SAMD8: variants seen among roughly 807,000 people sequenced by gnomAD.
SAMD8 encodes sterile alpha motif domain containing 8, also known as sphingomyelin synthase-related protein 1.
SAMD8 carries 20 observed loss-of-function variants against 42.0 expected under a neutral mutation model. The ratio of observed to expected loss-of-function variants is 0.48; its 90% CI spans 0.34 to 0.69. The LOEUF is 0.69. Among genes scored for constraint, SAMD8 ranks in the 30% least tolerant of loss-of-function variants. SAMD8 has a pLI of 0.01. For missense variants in SAMD8, 328 were observed against 511.6 expected (o/e 0.64, Z 3.46); for synonymous variants, 162 against 173.0 (o/e 0.94, Z 0.50).
chr10:75,155,633 A>C (rs1268578245), intron 2 of SAMD8, among the ~76,000 whole-genome samples: 1 of 152,208 alleles, frequency 6.6e-6, no homozygotes, highest in African/African-American at 2.4e-5. Context: ...TCAGGAGAGA[A>C]TGTGAGATGT....
chr10:75,133,121 C>CT (rs1849310221), intron 1 of SAMD8, among the ~76,000 whole-genome samples: 1 of 152,082 alleles, frequency 6.6e-6, no homozygotes, highest in Admixed American at 6.6e-5. Flanking sequence ...AAAATAGAGG[C>CT]TGGGTGTGGT....
chr10:75,152,185 A>G (rs924486556), intron 2 of SAMD8, among the ~76,000 whole-genome samples: 28 of 152,120 alleles, frequency 1.8e-4, no homozygotes, highest in Non-Finnish European at 1.2e-4. Context: ...GTTTTATTAA[A>G]TATTGAATAC....
At chr10:75,130,676 C>T (rs1293286391) in intron 1 of SAMD8, among the ~76,000 whole-genome samples, 1 of 152,102 alleles carries the variant, frequency 6.6e-6, no homozygotes, top group African/African-American at 2.4e-5. Context: ...TATTAACTCT[C>T]TAGGTGACTT....
intron 1 of SAMD8, among the ~76,000 whole-genome samples, chr10:75,118,289 T>C (rs1339729705): frequency 6.6e-6 from 1 of 152,236 alleles, no homozygotes; most frequent in Non-Finnish European, 1.5e-5. Context: ...TCTTTGAAAC[T>C]GTTTTGTAAT....
At chr10:75,168,724 G>C (rs1840754380) in intron 4 of SAMD8, 66 bp downstream of exon 4, 9 of 971,742 alleles carry the variant, frequency 9.3e-6, no homozygotes, top group Non-Finnish European at 1.5e-5. Flanking sequence ...ATGCAATAGG[G>C]CTAAGATTTT....
At chr10:75,108,022 A>C (rs1232307955), upstream of SAMD8, 1 of 1,613,368 alleles carries the variant, frequency 6.2e-7, no homozygotes, top group Admixed American at 1.7e-5. Context: ...CGGTGGATGA[A>C]GTCAGCCGCA....
chr10:75,168,474 T>C, intron 3 of SAMD8, 67 bp from the exon 4 acceptor site: 1 of 1,588,022 alleles, frequency 6.3e-7, no homozygotes, highest in Non-Finnish European at 8.6e-7. Flanking sequence ...AAGTAAATAT[T>C]TGATGCCTGG....
chr10:75,151,393 A>G (rs1349003528), intron 2 of SAMD8, among the ~76,000 whole-genome samples: 1 of 152,102 alleles, frequency 6.6e-6, no homozygotes, highest in African/African-American at 2.4e-5. Flanking sequence ...CTGCACTGTC[A>G]CCCAGGCTGG....
chr10:75,148,911 A>T (rs1834918330), intron 1 of SAMD8, among the ~76,000 whole-genome samples: 1 of 152,194 alleles, frequency 6.6e-6, no homozygotes, highest in South Asian at 2.1e-4. Flanking sequence ...GATCACAATT[A>T]TACAGCTTGA....
intron 3 of SAMD8, among the ~76,000 whole-genome samples, chr10:75,164,969 C>T (rs1163594476): frequency 6.6e-6 from 1 of 152,156 alleles, no homozygotes; most frequent in Non-Finnish European, 1.5e-5. Flanking sequence ...TCAGAGATGC[C>T]CTATGGCTGA....
At chr10:75,141,200 CAA>C (rs1292798589) in intron 1 of SAMD8, among the ~76,000 whole-genome samples, 1 of 151,976 alleles carries the variant, frequency 6.6e-6, no homozygotes, top group Admixed American at 6.6e-5. Flanking sequence ...AAAAATTAGC[CAA>C]GTGTGCCAAG....
In SAMD8 at chr10:75,178,990, C is replaced by T. The variant is rs540100385; in HGVS notation, c.*2298C>T. On this transcript the variant is annotated 3_prime_UTR_variant, in exon 6 of 6. Coordinates refer to ENST00000542569, the MANE Select transcript of SAMD8 (RefSeq NM_001174156.2). ...TTTGCATTGAGCTGAGATCACTCCACTGCACTCCAGCCTAGGTGACAGAGT... is the reference window on the plus strand; with the variant it reads ...TTTGCATTGAGCTGAGATCACTCCATTGCACTCCAGCCTAGGTGACAGAGT... 6.6e-6 allele frequency: 1 copy of T among 152,640 alleles called. No individual in the cohort carries two copies. The highest frequency in any genetic ancestry group is 1.9e-4 in the East Asian group (1 of 5,188). The allele number at this position is 152,640 out of a possible 1,614,324, so 9.5% of individuals were successfully genotyped here.
At chr10:75,130,621 AC>A (rs1458904102) in intron 1 of SAMD8, among the ~76,000 whole-genome samples, 1 of 152,200 alleles carries the variant, frequency 6.6e-6, no homozygotes, top group African/African-American at 2.4e-5. Flanking sequence ...TGGAAAGAGT[AC>A]TGAATTTGTT....
intron 1 of SAMD8, among the ~76,000 whole-genome samples, chr10:75,143,972 T>A (rs1840077747): frequency 6.6e-6 from 1 of 150,978 alleles, no homozygotes; most frequent in East Asian, 1.9e-4. Flanking sequence ...TAAACTTTTT[T>A]TTTTTTTTTT....
intron 1 of SAMD8, among the ~76,000 whole-genome samples, chr10:75,119,457 A>G (rs1848956501): frequency 6.6e-6 from 1 of 152,208 alleles, no homozygotes; most frequent in African/African-American, 2.4e-5. Context: ...AATAATTTAT[A>G]CAAATAGCAC....
rs1436666607 is a variant in SAMD8 at position 75,176,277 on chromosome 10, G to A, written c.943+61G>A. 2 of 1,613,174 alleles carry A rather than the reference G, an allele frequency of 1.2e-6. No homozygotes were observed. Among genetic ancestry groups the A allele is most frequent in the Non-Finnish European group, 1.7e-6 (2 of 1,179,398 alleles). On this transcript the variant is annotated intron_variant, in intron 5 of 5. Transcript: ENST00000542569. The surrounding 1 kb of genome is among the most constrained non-coding windows in gnomAD (Gnocchi z 4.3). Reference sequence around the variant, plus strand: ...TAACTAGCTGCAGTGAAGGCTGTGGGAAGGGTGTCAGATCCTGTGAAGAAT... The same window carrying A: ...TAACTAGCTGCAGTGAAGGCTGTGGAAAGGGTGTCAGATCCTGTGAAGAAT...
chr10:75,177,091 C>T lies in SAMD8; in HGVS notation c.*399C>T, dbSNP rs1483557362. ...TAATATGTTTTGAAGCTCCTTATTA[C>T]CTTTAGAAGAAGAAACCCTAACAAG... On this transcript the variant is annotated 3_prime_UTR_variant, in exon 6 of 6. Transcript: ENST00000542569. The T allele has an allele frequency of 7.5e-5, 12 of 160,112 alleles. No homozygotes were observed. Among genetic ancestry groups the T allele is most frequent in the Admixed American group, 1.8e-4 (3 of 16,406 alleles). The allele number at this position is 160,112 out of a possible 1,614,324, so 9.9% of individuals were successfully genotyped here. A position where few individuals can be genotyped will look rare whatever the true frequency, so the allele number is the denominator to read the frequency against.
upstream of SAMD8, among the ~76,000 whole-genome samples, chr10:75,107,689 G>A (rs2134395989): frequency 6.6e-6 from 1 of 152,252 alleles, no homozygotes; most frequent in South Asian, 2.1e-4. Context: ...CAATTCTCCT[G>A]CCTCAGCCTC....
At chr10:75,119,832 G>A (rs987513997) in intron 1 of SAMD8, among the ~76,000 whole-genome samples, 1 of 152,226 alleles carries the variant, frequency 6.6e-6, no homozygotes. Context: ...TTGGGAGGCC[G>A]AGGCAGGCGG....
Sources: allele counts gnomAD v4.1 joint callset (sites outside exome capture counted in the v4.1 genomes callset), GRCh38; gene constraint gnomAD v4.1.1; non-coding constraint Gnocchi (gnomAD v3.1); transcripts MANE v1.5; gene names NCBI Gene and HGNC (gene_info 2026-07-23, HGNC 2026-07-21).